CASS4: variants seen among roughly 807,000 people sequenced by gnomAD.
CASS4 encodes cas scaffolding protein family member 4.
A neutral mutation model predicts 54.2 loss-of-function variants in CASS4; 22 were observed. That is an observed-to-expected ratio of 0.41 (90% CI 0.29 to 0.58). The LOEUF is 0.58. Among genes scored for constraint, CASS4 ranks in the 20% least tolerant of loss-of-function variants. CASS4 has a pLI of 0.36. For synonymous variants in CASS4, 409 were observed against 391.5 expected, an observed-to-expected ratio of 1.04 and a Z score of -0.53; for missense variants, 854 against 986.7, an observed-to-expected ratio of 0.87 and a Z score of 1.80.
In CASS4 at chr20:56,439,669, G is replaced by A. The variant is rs779785410; in HGVS notation, c.459+2083G>A. On this transcript the variant is annotated intron_variant, in intron 2 of 5. Coordinates refer to ENST00000679887, the MANE Select transcript of CASS4 (RefSeq NM_020356.4). ...TGCACTCCAGCCTGGGTGACTGACC[G>A]GGACCCTGTCTTAAAAAATAATAAA... 5.3e-5 allele frequency among the ~76,000 whole-genome samples: 8 copies of A among 151,994 alleles called. 1 individual carries two copies. The highest frequency in any genetic ancestry group is 2.1e-4 in the South Asian group (1 of 4,802).
At chr20:56,420,601 C>G (rs1440643182) in intron 1 of CASS4, among the ~76,000 whole-genome samples, 1 of 148,688 alleles carries the variant, frequency 6.7e-6, no homozygotes, top group African/African-American at 2.5e-5. Context: ...CCCTATATTG[C>G]CCAGGCTTGT....
chr20:56,448,502 A>G (rs1486111366), intron 3 of CASS4, among the ~76,000 whole-genome samples: 1 of 152,042 alleles, frequency 6.6e-6, no homozygotes, highest in Non-Finnish European at 1.5e-5. Context: ...CAGGGGATAC[A>G]ACTCAAGTCA....
intron 5 of CASS4, chr20:56,453,874 TA>T (rs1981162089): frequency 6.6e-6 from 1 of 150,754 alleles, no homozygotes; most frequent in Non-Finnish European, 1.5e-5. Flanking sequence ...AGCTAATCTC[TA>T]AAAAAAAGAA....
chr20:56,423,810 G>A (rs538010096), intron 1 of CASS4, among the ~76,000 whole-genome samples: 1 of 152,280 alleles, frequency 6.6e-6, no homozygotes, highest in South Asian at 2.1e-4. Context: ...GTCCCAAAGT[G>A]TTGGGATTAC....
Position 56,437,696 on chromosome 20 carries a change from A to C in CASS4, c.459+110A>C. On this transcript the variant is annotated intron_variant, in intron 2 of 5. Coordinates refer to ENST00000679887, the MANE Select transcript of CASS4 (RefSeq NM_020356.4). The surrounding 1 kb of genome is among the most constrained non-coding windows in gnomAD (Gnocchi z 4.7). ...CTTCAGATCAAACACGCAAAACGGG[A>C]GCCCAGATTGCTGGCAATCACGCTC... The C allele has an allele frequency of 9.7e-7, 1 of 1,035,210 alleles. No individual in the cohort carries two copies. The highest frequency in any genetic ancestry group is 1.4e-6 in the Non-Finnish European group (1 of 738,440). The allele number at this position is 1,035,210 out of a possible 1,614,324, so 64.1% of individuals were successfully genotyped here.
chr20:56,439,815 T>C (rs1980374258), intron 2 of CASS4, among the ~76,000 whole-genome samples: 1 of 152,240 alleles, frequency 6.6e-6, no homozygotes, highest in Non-Finnish European at 1.5e-5. Context: ...GTAGAGCAGA[T>C]GTGCACAGGC....
At chr20:56,450,571 G>A in intron 3 of CASS4, 28 bp from the exon 4 acceptor site, 1 of 1,604,548 alleles carries the variant, frequency 6.2e-7, no homozygotes, top group Non-Finnish European at 8.5e-7. Context: ...AAACATTCAA[G>A]TTGTCTGCCT....
chr20:56,430,316 C>A lies in CASS4; in HGVS notation c.37-6848C>A, dbSNP rs1979844419. Among the ~76,000 whole-genome samples the A allele has an allele frequency of 6.6e-6, 1 of 152,154 alleles. No homozygotes were observed. Among genetic ancestry groups the A allele is most frequent in the Non-Finnish European group, 1.5e-5 (1 of 68,030 alleles). ...TCCTTCCAAATGCATATTCATTTTC[C>A]TTTTCCCTCTCCCAGCTGTTGTATG... is the stretch of plus-strand genomic sequence containing the variant. On this transcript the variant is annotated intron_variant, in intron 1 of 5. Coordinates refer to ENST00000679887, the MANE Select transcript of CASS4 (RefSeq NM_020356.4). The surrounding 1 kb of genome is among the most constrained non-coding windows in gnomAD (Gnocchi z 4.2).
chr20:56,445,765 C>T (rs924244287), intron 2 of CASS4, 135 bp from the exon 3 acceptor site: 26 of 613,160 alleles, frequency 4.2e-5, no homozygotes, highest in Admixed American at 1.9e-4. Flanking sequence ...GAAGAGCCTG[C>T]CAGCGGGGGT....
chr20:56,429,972 A>T (rs993101098), intron 1 of CASS4, among the ~76,000 whole-genome samples: 49 of 152,024 alleles, frequency 3.2e-4, no homozygotes, highest in South Asian at 6.2e-4. Flanking sequence ...TTCTGTGATG[A>T]TTTGATTAGA....
intron 5 of CASS4, among the ~76,000 whole-genome samples, chr20:56,457,847 T>C (rs1194605981): frequency 6.6e-6 from 1 of 151,974 alleles, no homozygotes; most frequent in Admixed American, 6.6e-5. Context: ...AAACCCCATT[T>C]CTGCTAAAAA....
intron 5 of CASS4, among the ~76,000 whole-genome samples, chr20:56,454,950 CCA>C (rs1981219822): frequency 6.6e-6 from 1 of 152,138 alleles, no homozygotes; most frequent in Non-Finnish European, 1.5e-5. Context: ...GAAGCATTAA[CCA>C]TTACTGAAAT....
At position 56,412,483 on chromosome 20, in the gene CASS4, T is replaced by G; in HGVS notation, c.25T>G (p.Cys9Gly). MKGTGIMD[C>G]APKALLARAL... ...CATGAAGGGAACAGGCATCATGGAC[T>G]GTGCGCCCAAGGTGAGTGATGTGGG... Residue 9 changes from cysteine to glycine, a missense_variant, in exon 1 of 6, where the codon TGT becomes GGT. Transcript: ENST00000679887. This position sits in a 1 kb window ranked among gnomAD's most constrained non-coding sequence, Gnocchi z 4.2. 2 of 1,612,694 alleles carry G rather than the reference T, an allele frequency of 1.2e-6. No individual in the cohort carries two copies. The highest frequency in any genetic ancestry group is 4.5e-5 in the East Asian group (2 of 44,832).
chr20:56,425,170 G>A lies in CASS4; in HGVS notation c.37-11994G>A, dbSNP rs560182793. On this transcript the variant is annotated intron_variant, in intron 1 of 5. Coordinates refer to ENST00000679887, the MANE Select transcript of CASS4 (RefSeq NM_020356.4). ...GCAGCTGGCCAAAGGAGAGTTCAAG[G>A]ATCACTGGGATAGCAGGAAGGGCAG... Among the ~76,000 whole-genome samples the A allele has an allele frequency of 2.6e-5, 4 of 152,316 alleles. No individual in the cohort carries two copies. The South Asian group carries it at 6.2e-4, about 24-fold the overall frequency.
intron 1 of CASS4, among the ~76,000 whole-genome samples, chr20:56,417,112 G>C (rs569169596): frequency 6.6e-6 from 1 of 152,228 alleles, no homozygotes; most frequent in Non-Finnish European, 1.5e-5. Context: ...TGTACCACTT[G>C]CTGGGACTTG....
chr20:56,445,479 T>C (rs1348327989), intron 2 of CASS4, among the ~76,000 whole-genome samples: 1 of 152,206 alleles, frequency 6.6e-6, no homozygotes, highest in African/African-American at 2.4e-5. Context: ...TCAGCCTAGC[T>C]AGATGAATGT....
chr20:56,450,525 A>T, intron 3 of CASS4, 74 bp from the exon 4 acceptor site: 1 of 1,335,132 alleles, frequency 7.5e-7, no homozygotes. Context: ...AAACACTGGA[A>T]TAGGGAGTGT....
chr20:56,448,159 T>A (rs955387692), intron 3 of CASS4, among the ~76,000 whole-genome samples: 8 of 141,296 alleles, frequency 5.7e-5, no homozygotes, highest in Non-Finnish European at 7.7e-5. Context: ...AAAAAAAAAA[T>A]AGTTATCAAT....
At chr20:56,415,393 C>T (rs1213582385) in intron 1 of CASS4, among the ~76,000 whole-genome samples, 1 of 152,154 alleles carries the variant, frequency 6.6e-6, no homozygotes, top group Admixed American at 6.6e-5. Flanking sequence ...AGTTCAGAGG[C>T]ATCCTCAGTT....
Sources: gnomAD v4.1 joint callset for allele counts (sites outside exome capture counted in the v4.1 genomes callset) on GRCh38, gnomAD v4.1.1 for gene constraint, Gnocchi (gnomAD v3.1) non-coding constraint, MANE v1.5 for transcripts, NCBI Gene and HGNC (gene_info 2026-07-23, HGNC 2026-07-21) for gene names.